Variants in OCA2 observed in about 807,000 individuals in gnomAD.
OCA2 encodes OCA2 melanosomal transmembrane protein, also known as P protein.
A neutral mutation model predicts 100.2 loss-of-function variants in OCA2; 77 were observed. The ratio of observed to expected loss-of-function variants is 0.77; its 90% CI spans 0.64 to 0.93. The LOEUF (loss-of-function observed/expected upper bound fraction) is 0.93. Among genes scored for constraint, OCA2 ranks in the 40% least tolerant of loss-of-function variants. The pLI is 0.00. For missense variants in OCA2, 1,062 were observed against 1,089.1 expected, an observed-to-expected ratio of 0.98 and a Z score of 0.35; for synonymous variants, 432 against 439.2, an observed-to-expected ratio of 0.98 and a Z score of 0.21.
intron 2 of OCA2, among the ~76,000 whole-genome samples, chr15:28,070,630 C>T (rs1213226153): frequency 6.7e-6 from 1 of 149,180 alleles, no homozygotes; most frequent in East Asian, 2.1e-4. Context: ...TGAGGAGCCC[C>T]TCTGCCCGGC....
chr15:27,894,114 GTC>G (rs1431409205), intron 19 of OCA2, among the ~76,000 whole-genome samples: 1 of 152,164 alleles, frequency 6.6e-6, no homozygotes, highest in Non-Finnish European at 1.5e-5. Context: ...TCTTTGTACT[GTC>G]TCTATTTCTC....
intron 23 of OCA2, among the ~76,000 whole-genome samples, chr15:27,826,863 A>G (rs930236996): frequency 6.6e-6 from 1 of 152,256 alleles, no homozygotes. Context: ...AGCCTTGCGT[A>G]ACAAATACTT....
At chr15:27,904,939 G>A (rs888994730) in intron 19 of OCA2, among the ~76,000 whole-genome samples, 60 of 152,152 alleles carry the variant, frequency 3.9e-4, no homozygotes, top group African/African-American at 1.4e-3. Context: ...CAAGGCAGGC[G>A]GATCACCTGA....
intron 14 of OCA2, among the ~76,000 whole-genome samples, chr15:27,968,119 G>A (rs111677499): frequency 6.7e-6 from 1 of 149,948 alleles, no homozygotes; most frequent in South Asian, 2.1e-4. Context: ...ACGTCCTGGA[G>A]TAAGTCAGCA....
At chr15:28,091,847 T>C (rs1364835732) in intron 1 of OCA2, among the ~76,000 whole-genome samples, 4 of 152,020 alleles carry the variant, frequency 2.6e-5, no homozygotes, top group African/African-American at 7.3e-5. Flanking sequence ...CCCCAGCTAC[T>C]TGGGAGGCTG....
intron 23 of OCA2, among the ~76,000 whole-genome samples, chr15:27,771,904 G>A (rs912707267): frequency 1.1e-4 from 16 of 152,276 alleles, no homozygotes; most frequent in African/African-American, 3.9e-4. Context: ...AATTTTGTAT[G>A]CTTGCCTTCA....
At chr15:27,747,342 G>A in the OCA2 span, among the ~76,000 whole-genome samples, 1 of 152,186 alleles carries the variant, frequency 6.6e-6, no homozygotes, top group South Asian at 2.1e-4. Context: ...GTGTTCGATC[G>A]GTCTTCCTTA....
chr15:28,032,159 G>A lies in OCA2; in HGVS notation c.232C>T (p.His78Tyr), dbSNP rs531777637. 1.0e-4 allele frequency: 163 copies of A among 1,611,396 alleles called. 2 individuals are homozygous for A. The Admixed American group carries it at 2.3e-3, about 23-fold the overall frequency. ...CTGGACATCTGGGGCAAAGAAGAGT[G>A]AGACCTGAAAGAGACAGGGTAGGAA... The part of the protein sequence containing the change: ...FASFLTKGRS[H>Y]SSLPQMSSSR... Residue 78 changes from histidine (H) to tyrosine (Y), a missense_variant, in exon 3 of 24, where the codon CAC (histidine) becomes TAC (tyrosine). Coordinates refer to ENST00000354638, the MANE Select transcript of OCA2 (RefSeq NM_000275.3).
intron 19 of OCA2, chr15:27,896,221 C>T: frequency 3.1e-6 from 3 of 965,686 alleles, no homozygotes; most frequent in Admixed American, 1.7e-5. Flanking sequence ...CCTCACAGTA[C>T]CAAATGATTC....
At chr15:27,746,966 T>C in the OCA2 span, among the ~76,000 whole-genome samples, 2 of 152,208 alleles carry the variant, frequency 1.3e-5, no homozygotes, top group Non-Finnish European at 2.9e-5. Flanking sequence ...AAGACATCCA[T>C]TCAGATGTTC....
At chr15:27,881,913 C>G (rs1275666216) in intron 19 of OCA2, among the ~76,000 whole-genome samples, 2 of 152,114 alleles carry the variant, frequency 1.3e-5, no homozygotes, top group Non-Finnish European at 2.9e-5. Context: ...CTTCTGCTAG[C>G]TTTAGGGTTT....
At chr15:28,025,124 CAA>C (rs1413667926) in intron 4 of OCA2, among the ~76,000 whole-genome samples, 2 of 152,162 alleles carry the variant, frequency 1.3e-5, no homozygotes, top group African/African-American at 2.4e-5. Context: ...CAAAGTTAAC[CAA>C]AGTGTTTGCA....
chr15:28,022,303 C>A (rs1029045963), intron 6 of OCA2, among the ~76,000 whole-genome samples, 198 bp downstream of exon 6: 5 of 152,242 alleles, frequency 3.3e-5, no homozygotes, highest in African/African-American at 1.2e-4. Context: ...CACCACCAAC[C>A]CCGCCACTGT....
chr15:27,933,219 C>T (rs919158887), intron 18 of OCA2, among the ~76,000 whole-genome samples: 20 of 152,086 alleles, frequency 1.3e-4, no homozygotes, highest in African/African-American at 4.6e-4. Context: ...AACTATAAAA[C>T]TCCTAAAAGA....
intron 23 of OCA2, among the ~76,000 whole-genome samples, chr15:27,798,120 A>G (rs557582732): frequency 1.3e-5 from 2 of 152,190 alleles, no homozygotes; most frequent in African/African-American, 2.4e-5. Context: ...GATTTAAATT[A>G]TTTATTAGTC....
chr15:28,004,903 G>A (rs576809328), intron 9 of OCA2, among the ~76,000 whole-genome samples: 29 of 152,132 alleles, frequency 1.9e-4, no homozygotes, highest in South Asian at 6.2e-4. Context: ...ACACTCTCAC[G>A]GCAGCCCGAT....
intron 3 of OCA2, among the ~76,000 whole-genome samples, chr15:28,028,446 G>A (rs2042819274): frequency 6.6e-6 from 1 of 152,118 alleles, no homozygotes; most frequent in South Asian, 2.1e-4. Context: ...CAGGGTGAGT[G>A]GTGTCAGTTT....
intron 23 of OCA2, among the ~76,000 whole-genome samples, chr15:27,828,793 G>A (rs1286406698): frequency 6.6e-6 from 1 of 152,142 alleles, no homozygotes. Flanking sequence ...TAGGGTCTGG[G>A]AGCTCCTGAA....
intron 18 of OCA2, among the ~76,000 whole-genome samples, 161 bp downstream of exon 18, chr15:27,951,623 C>G (rs946541869): frequency 1.3e-5 from 2 of 152,182 alleles, no homozygotes; most frequent in African/African-American, 4.8e-5. Context: ...AGGAAAGGCG[C>G]CCTTCTTCCC....
Sources: allele counts gnomAD v4.1 joint callset (sites outside exome capture counted in the v4.1 genomes callset), GRCh38; gene constraint gnomAD v4.1.1; transcripts MANE v1.5; gene names NCBI Gene and HGNC (gene_info 2026-07-23, HGNC 2026-07-21).